Variants in ARAP3 observed in about 807,000 individuals in gnomAD.
The protein encoded by ARAP3 is ArfGAP with RhoGAP domain, ankyrin repeat and PH domain 3.
ARAP3 carries 82 observed loss-of-function variants against 169.2 expected under a neutral mutation model. The ratio of observed to expected loss-of-function variants is 0.48; its 90% CI spans 0.41 to 0.58. ARAP3 has a LOEUF of 0.58. Among genes scored for constraint, ARAP3 ranks in the 20% least tolerant of loss-of-function variants. The probability of loss-of-function intolerance (pLI) is 0.00; values close to 1 mark genes in which losing one functional copy is unlikely to be tolerated. For synonymous variants in ARAP3, 791 were observed against 800.3 expected (o/e 0.99, Z 0.20); for missense variants, 1,764 against 2,018.0 (o/e 0.87, Z 2.41).
In ARAP3 at chr5:141,679,798, A is replaced by G; in HGVS notation, c.549T>C (p.Ser183=). 6.2e-7 allele frequency: 1 copy of G among 1,613,086 alleles called. No individual in the cohort carries two copies. The highest frequency in any genetic ancestry group is 1.1e-5 in the South Asian group (1 of 91,036). ...TGGGCCTGAGGGCAGGGGTGGGGGC[A>G]GAGATTTGGGAGCTGTCTGGGGCCC... ...QDKAPDSSQI[S]APTPALRPTT... Residue 183 remains serine (S), a synonymous_variant, in exon 3 of 33, where the codon TCT becomes TCC. Transcript: ENST00000239440.
rs556023400 is a variant in ARAP3, at chr5:141,673,944, T to C, written c.699-136A>G. On this transcript the variant is annotated intron_variant, in intron 4 of 32. Transcript: ENST00000239440. ...TACTGGATCTGATTTTCTTTTCTTTTTCTTTTCTTTTCTTCTTTTTTTTTT... is the reference window on the plus strand; with the variant it reads ...TACTGGATCTGATTTTCTTTTCTTTCTCTTTTCTTTTCTTCTTTTTTTTTT... The C allele has an allele frequency of 3.5e-5, 27 of 772,754 alleles. No individual in the cohort carries two copies. In the East Asian group the frequency reaches 7.1e-4, roughly 20 times the overall value. The allele number at this position is 772,754 out of a possible 1,614,324, so 47.9% of individuals were successfully genotyped here. A position where few individuals can be genotyped will look rare whatever the true frequency, so the allele number is the denominator to read the frequency against.
Position 141,654,177 on chromosome 5 carries a change from G to A in ARAP3, c.4408C>T (p.Pro1470Ser). 6.2e-7 allele frequency: 1 copy of A among 1,613,942 alleles called. No homozygotes were observed. ...CGTGCCTGGGGACTGCTCTTTGAAG[G>A]GGGGCCTGGAGGGGGCTCAGGTGGC... ...ERPPEPPPGP[P>S]SKSSPQARGS... The change falls in exon 33 of 33, where the codon CCT becomes TCT. Residue 1470 changes from proline to serine, a missense_variant. Physicochemically the swap from Pro to Ser is moderately conservative, Grantham distance 74. Coordinates refer to ENST00000239440, the MANE Select transcript of ARAP3 (RefSeq NM_022481.6).
In ARAP3 at chr5:141,666,394, A is replaced by C. The variant is rs745856504; in HGVS notation, c.2572+30T>G. 2.7e-6 allele frequency: 4 copies of C among 1,492,820 alleles called. No individual in the cohort carries two copies. The East Asian group carries it at 7.6e-5, about 28-fold the overall frequency. The allele number at this position is 1,492,820 out of a possible 1,614,324, so 92.5% of individuals were successfully genotyped here. ...CCATGCACCCGCATGGCCACCCTTC[A>C]TCCCTGTCCCCCCAAACCTCCCCGC... On this transcript the variant is annotated intron_variant, in intron 17 of 32. Coordinates refer to ENST00000239440, the MANE Select transcript of ARAP3 (RefSeq NM_022481.6).
chr5:141,656,118 T>C lies in ARAP3; in HGVS notation c.3873-19A>G, dbSNP rs773830890. The C allele has an allele frequency of 3.7e-6, 6 of 1,613,452 alleles. No homozygotes were observed. The Admixed American group carries it at 5.0e-5, about 13-fold the overall frequency. ...GCCCCACCTGGGAGACAAAGAACAGTGATGGGGCAGTCAGAAAGGGCAGGG... is the reference window on the plus strand; with the variant it reads ...GCCCCACCTGGGAGACAAAGAACAGCGATGGGGCAGTCAGAAAGGGCAGGG... On this transcript the variant is annotated intron_variant, in intron 28 of 32. Coordinates refer to ENST00000239440, the MANE Select transcript of ARAP3 (RefSeq NM_022481.6).
chr5:141,671,844 T>A lies in ARAP3; in HGVS notation c.1671+51A>T. 6.2e-7 allele frequency: 1 copy of A among 1,613,450 alleles called. No individual in the cohort carries two copies. The stretch of plus-strand genomic sequence containing the variant: ...TCCCCAGGCTGGCCCAAGGCCTGCT[T>A]CTGGACGCTCCCTTCTACGCCTCCC... On this transcript the variant is annotated intron_variant, in intron 11 of 32. Transcript: ENST00000239440. This position sits in a 1 kb window ranked among gnomAD's most constrained non-coding sequence, Gnocchi z 4.9.
In ARAP3 at chr5:141,654,008, C is replaced by T; in HGVS notation, c.4577G>A (p.Gly1526Asp). Residue 1526 changes from glycine to aspartate, a missense_variant, in exon 33 of 33, where the codon GGC (glycine) becomes GAC (aspartate). By Grantham distance (94) the Gly-to-Asp change is moderately conservative. Transcript: ENST00000239440. ...SPTGLPTQTP[G>D]FPTQPPCTSS... ...AGTGCATGGGGGTTGGGTGGGGAAG[C>T]CAGGTGTCTGTGTTGGAAGGCCAGT... The T allele has an allele frequency of 6.4e-7, 1 of 1,562,428 alleles. No individual in the cohort carries two copies. The highest frequency in any genetic ancestry group is 8.7e-7 in the Non-Finnish European group (1 of 1,155,554).
chr5:141,671,918 C>T lies in ARAP3; in HGVS notation c.1648G>A (p.Val550Ile), dbSNP rs1206882115. ...KVQSLKLDTS[V>I]WSNEIVQLFI... Reference sequence around the variant, plus strand: ...ACCTGTACTATCTCATTACTCCAGACACTCGTGTCCAGCTTCAGGCTCTGC... The same window carrying T: ...ACCTGTACTATCTCATTACTCCAGATACTCGTGTCCAGCTTCAGGCTCTGC... Residue 550 changes from valine to isoleucine, a missense_variant, in exon 11 of 33, where the codon GTC (valine) becomes ATC (isoleucine). By Grantham distance (29) the Val-to-Ile change is conservative (BLOSUM62 3). Coordinates refer to ENST00000239440, the MANE Select transcript of ARAP3 (RefSeq NM_022481.6). This position sits in a 1 kb window ranked among gnomAD's most constrained non-coding sequence, Gnocchi z 4.9. The T allele has an allele frequency of 6.2e-7, 1 of 1,614,202 alleles. No individual in the cohort carries two copies. The highest frequency in any genetic ancestry group is 1.1e-5 in the South Asian group (1 of 91,084).
intron 21 of ARAP3, among the ~76,000 whole-genome samples, chr5:141,660,336 C>CA (rs1322963071): frequency 6.6e-6 from 1 of 151,240 alleles, no homozygotes; most frequent in African/African-American, 2.4e-5. Flanking sequence ...ACTAAAAATA[C>CA]AAAAAAAATT....
At position 141,666,566 on chromosome 5, in the gene ARAP3, G is replaced by C; in HGVS notation, c.2430C>G (p.Pro810=). The change falls in exon 17 of 33, where the codon CCC becomes CCG. Residue 810 remains proline, a synonymous_variant. Coordinates refer to ENST00000239440, the MANE Select transcript of ARAP3 (RefSeq NM_022481.6). ...LRLGRLWLRS[P]SHTAPAPGLW... ...GACCAGGGGCCGGGGCTGTATGGGAGGGGGACCGCAGCCATAGGCGGCCCA... is the reference window on the plus strand; with the variant it reads ...GACCAGGGGCCGGGGCTGTATGGGACGGGGACCGCAGCCATAGGCGGCCCA... 1 of 1,568,466 alleles carries C rather than the reference G, an allele frequency of 6.4e-7. No individual in the cohort carries two copies.
intron 32 of ARAP3, 104 bp downstream of exon 32, chr5:141,655,258 A>ACAC (rs1491503001): frequency 7.0e-5 from 78 of 1,109,478 alleles, no homozygotes; most frequent in Admixed American, 3.6e-4. Flanking sequence ...ACACACACAC[A>ACAC]CCCCCTGATG....
rs1313277043 is a variant in ARAP3, at chr5:141,672,222, A to T, written c.1465T>A (p.Tyr489Asn). The change falls in exon 10 of 33, where the codon TAC (tyrosine) becomes AAC (asparagine). Residue 489 changes from tyrosine to asparagine, a missense_variant. Physicochemically the swap from Tyr to Asn is moderately radical, Grantham distance 143 (BLOSUM62 -2). Coordinates refer to ENST00000239440, the MANE Select transcript of ARAP3 (RefSeq NM_022481.6). This position sits in a 1 kb window ranked among gnomAD's most constrained non-coding sequence, Gnocchi z 4.9. ...GACCAGATCTTCTCAGCCACCTCGT[A>T]GTCAGACAGGGTCTCGGTTACTGCT... Reference protein sequence around the residue: ...QEAVTETLSDYEVAEKIWSNR... With the variant: ...QEAVTETLSDNEVAEKIWSNR... 1.9e-6 allele frequency: 3 copies of T among 1,614,086 alleles called. No homozygotes were observed. The African/African-American group carries it at 4.0e-5, about 22-fold the overall frequency.
At position 141,673,032 on chromosome 5, in the gene ARAP3, C is replaced by A; in HGVS notation, c.1074G>T (p.Val358=). 1.9e-6 allele frequency: 3 copies of A among 1,614,200 alleles called. No individual in the cohort carries two copies. Among genetic ancestry groups the A allele is most frequent in the Non-Finnish European group, 2.5e-6 (3 of 1,180,032 alleles). ...CCTCACCCTCGCTCTCTGTGCGGAA[C>A]ACGAACACCCTCTGGCCGGTGATGA... The part of the protein sequence containing the change: ...FQVITGQRVF[V]FRTESEAQRD... The change falls in exon 7 of 33, where the codon GTG becomes GTT. Residue 358 remains valine (V), a synonymous_variant. Transcript: ENST00000239440.
At position 141,659,853 on chromosome 5, in the gene ARAP3, G is replaced by T; in HGVS notation, c.3193C>A (p.Gln1065Lys). The change falls in exon 22 of 33, where the codon CAG becomes AAG. Residue 1065 changes from glutamine to lysine, a missense_variant. Gln to Lys is a moderately conservative substitution (Grantham distance 53). Around this residue, in one of 3 missense-constraint regions of ARAP3, gnomAD observed 1,112 missense variants for 1,285.7 expected, o/e 0.86. Coordinates refer to ENST00000239440, the MANE Select transcript of ARAP3 (RefSeq NM_022481.6). Reference protein sequence around the residue: ...LALLFAPSVFQTDGRGEHEVR... With the variant: ...LALLFAPSVFKTDGRGEHEVR... ...TCGTGCTCCCCTCGCCCATCCGTCT[G>T]GAACACGCTGGGTGCAAACAGCAGA... is the stretch of plus-strand genomic sequence containing the variant. 3 of 1,604,036 alleles carry T rather than the reference G, an allele frequency of 1.9e-6. No individual in the cohort carries two copies. The highest frequency in any genetic ancestry group is 2.6e-6 in the Non-Finnish European group (3 of 1,175,962).
At position 141,668,039 on chromosome 5, in the gene ARAP3, T is replaced by A. The variant is rs150519330; in HGVS notation, c.2353-1396A>T. On this transcript the variant is annotated intron_variant, in intron 16 of 32. Transcript: ENST00000239440. ...CCTGGGAGACAAGAGCGAAACTCCATCTCAAAAAGAAAATAATAATAATAA... is the reference window on the plus strand; with the variant it reads ...CCTGGGAGACAAGAGCGAAACTCCAACTCAAAAAGAAAATAATAATAATAA... Among the ~76,000 whole-genome samples the A allele has an allele frequency of 3.2e-3, 479 of 151,264 alleles. 2 individuals are homozygous for A. Among genetic ancestry groups the A allele is most frequent in the African/African-American group, 0.011 (463 of 41,308 alleles).
Position 141,671,958 on chromosome 5 carries a change from A to G in ARAP3, c.1608T>C (p.Ser536=), listed in dbSNP as rs2154599076. The G allele has an allele frequency of 6.2e-7, 1 of 1,614,198 alleles. No individual in the cohort carries two copies. Among genetic ancestry groups the G allele is most frequent in the Non-Finnish European group, 8.5e-7 (1 of 1,180,006 alleles). Reference sequence around the variant, plus strand: ...TCAGGCTCTGCACCTTGGAGATCCCAGAACCCAGGGCCCGGTGCTGACCTG... The same window carrying G: ...TCAGGCTCTGCACCTTGGAGATCCCGGAACCCAGGGCCCGGTGCTGACCTG... ...QCAGQHRALG[S]GISKVQSLKL... The change falls in exon 11 of 33, where the codon TCT becomes TCC. Residue 536 remains serine (S), a synonymous_variant. Coordinates refer to ENST00000239440, the MANE Select transcript of ARAP3 (RefSeq NM_022481.6). This position sits in a 1 kb window ranked among gnomAD's most constrained non-coding sequence, Gnocchi z 4.9.
chr5:141,665,515 A>T, intron 17 of ARAP3, 141 bp from the exon 18 acceptor site: 1 of 781,192 alleles, frequency 1.3e-6, no homozygotes, highest in Non-Finnish European at 2.0e-6. Flanking sequence ...GTTATGTACT[A>T]TTATTCCCAT....
At position 141,654,120 on chromosome 5, in the gene ARAP3, G is replaced by C. The variant is rs144389902; in HGVS notation, c.4465C>G (p.Leu1489Val). The change falls in exon 33 of 33, where the codon CTC becomes GTC. Residue 1489 changes from leucine to valine, a missense_variant. Leu to Val is a conservative substitution (Grantham distance 32). Around this residue, in one of 3 missense-constraint regions of ARAP3, gnomAD observed 1,112 missense variants for 1,285.7 expected, o/e 0.86. Coordinates refer to ENST00000239440, the MANE Select transcript of ARAP3 (RefSeq NM_022481.6). The stretch of plus-strand genomic sequence containing the variant: ...CCTTTCCTCAGGATGAGGCTGCTGA[G>C]CTCCTGGAGCAGCTGTTCCTCTAGG... ...GSLEEQLLQE[L>V]SSLILRKGET... The C allele has an allele frequency of 1.7e-5, 27 of 1,612,370 alleles. No individual in the cohort carries two copies. Among genetic ancestry groups the C allele is most frequent in the Non-Finnish European group, 2.3e-5 (27 of 1,179,028 alleles).
chr5:141,677,089 C>T (rs2154599233), intron 4 of ARAP3, among the ~76,000 whole-genome samples: 2 of 152,264 alleles, frequency 1.3e-5, no homozygotes, highest in South Asian at 4.1e-4. Context: ...TAATTTTAAA[C>T]TTTTCAGTAG....
chr5:141,664,083 A>C (rs2099910330), intron 19 of ARAP3, among the ~76,000 whole-genome samples: 2 of 152,162 alleles, frequency 1.3e-5, no homozygotes, highest in Admixed American at 6.5e-5. Context: ...GTCCTTATTT[A>C]GGATAAAAAA....
Sources: gnomAD v4.1 joint callset for allele counts (sites outside exome capture counted in the v4.1 genomes callset) on GRCh38, gnomAD v4.1.1 for gene constraint, gnomAD v4.1.1 regional missense constraint, Gnocchi (gnomAD v3.1) non-coding constraint, MANE v1.5 for transcripts, NCBI Gene and HGNC (gene_info 2026-07-23, HGNC 2026-07-21) for gene names.